SCN9A: variants seen among roughly 807,000 people sequenced by gnomAD.
SCN9A encodes the protein sodium voltage-gated channel alpha subunit 9.
In SCN9A, 131 loss-of-function variants were observed where a neutral mutation model predicts 187.0. The ratio of observed to expected loss-of-function variants is 0.70; its 90% CI spans 0.61 to 0.81. The LOEUF is 0.81. Ranked by LOEUF, SCN9A falls within the 30% of genes least tolerant of loss-of-function variation. SCN9A has a pLI of 0.00. For synonymous variants in SCN9A, 809 were observed against 808.6 expected (o/e 1.00, Z -0.01); for missense variants, 2,252 against 2,396.6 (o/e 0.94, Z 1.26).
At chr2:166,306,252 T>C (rs1290601334) in intron 4 of SCN9A, among the ~76,000 whole-genome samples, 1 of 152,066 alleles carries the variant, frequency 6.6e-6, no homozygotes, top group Non-Finnish European at 1.5e-5. Context: ...CACCCAAGAA[T>C]AAAATATGTG....
intron 24 of SCN9A, among the ~76,000 whole-genome samples, chr2:166,217,758 T>A (rs1694398861): frequency 1.3e-5 from 2 of 152,096 alleles, no homozygotes; most frequent in African/African-American, 4.8e-5. Context: ...TTATACATTG[T>A]TAGTGAAAAT....
intron 17 of SCN9A, among the ~76,000 whole-genome samples, chr2:166,262,959 C>A (rs184525687): frequency 6.6e-4 from 101 of 152,068 alleles, no homozygotes; most frequent in African/African-American, 2.1e-3. Flanking sequence ...TGCTTTCCAG[C>A]AAGCTGCTCA....
chr2:166,372,221 C>T (rs563692075), intron 1 of SCN9A, among the ~76,000 whole-genome samples: 1 of 152,104 alleles, frequency 6.6e-6, no homozygotes, highest in Non-Finnish European at 1.5e-5. Context: ...TGGATAAGCC[C>T]ACATTGCCTC....
intron 22 of SCN9A, 110 bp downstream of exon 22, chr2:166,228,581 A>C: frequency 9.0e-7 from 1 of 1,117,210 alleles, no homozygotes; most frequent in Non-Finnish European, 1.3e-6. Flanking sequence ...TTTAAAAACC[A>C]CACAGTATTT....
intron 1 of SCN9A, among the ~76,000 whole-genome samples, chr2:166,366,142 C>T (rs1051938627): frequency 1.3e-4 from 20 of 152,180 alleles, no homozygotes; most frequent in African/African-American, 4.6e-4. Context: ...CTGACCTACA[C>T]ATTTTGGAGG....
intron 5 of SCN9A, among the ~76,000 whole-genome samples, chr2:166,304,881 G>A (rs1698702805): frequency 6.6e-6 from 1 of 152,062 alleles, no homozygotes; most frequent in East Asian, 1.9e-4. Context: ...GAAAAACACT[G>A]AATTGTATAC....
At position 166,222,949 on chromosome 2, in the gene SCN9A, A is replaced by C. The variant is rs1574748120; in HGVS notation, c.4398+3618T>G. Among the ~76,000 whole-genome samples, 82 of 116,922 alleles carry C rather than the reference A, an allele frequency of 7.0e-4. 1 individual carries two copies. Among genetic ancestry groups the C allele is most frequent in the African/African-American group, 2.1e-3 (64 of 30,090 alleles). The allele number at this position is 116,922 out of a possible 152,430, so 76.7% of individuals were successfully genotyped here. On this transcript the variant is annotated intron_variant, in intron 24 of 26. Coordinates refer to ENST00000642356, the MANE Select transcript of SCN9A (RefSeq NM_001365536.1). ...CCGTCTCAAAAAAAAAAACAACAAA[A>C]AAAAAAAAAAAAAAAAAAAAAAACA...
At chr2:166,289,205 T>C (rs936781078) in intron 9 of SCN9A, among the ~76,000 whole-genome samples, 1 of 151,934 alleles carries the variant, frequency 6.6e-6, no homozygotes, top group African/African-American at 2.4e-5. Context: ...CAGAGATTTT[T>C]TTTTCTTTTT....
At chr2:166,227,797 G>T in intron 22 of SCN9A, 74 bp from the exon 23 acceptor site, 1 of 777,614 alleles carries the variant, frequency 1.3e-6, no homozygotes, top group Non-Finnish European at 2.2e-6. Context: ...AGTTTTGTCT[G>T]TTTAATGTTA....
At chr2:166,287,442 T>C (rs553210885) in intron 10 of SCN9A, among the ~76,000 whole-genome samples, 1 of 152,214 alleles carries the variant, frequency 6.6e-6, no homozygotes, top group African/African-American at 2.4e-5. Flanking sequence ...AGATATACAA[T>C]TTTCATAATT....
intron 1 of SCN9A, among the ~76,000 whole-genome samples, chr2:166,320,906 C>A (rs1169885529): frequency 6.6e-6 from 1 of 152,066 alleles, no homozygotes; most frequent in Non-Finnish European, 1.5e-5. Context: ...ACAAAAAAAT[C>A]ATCTGTGTAA....
chr2:166,241,112 A>G (rs2155878), intron 19 of SCN9A, among the ~76,000 whole-genome samples: 125,717 of 152,076 alleles, frequency 0.83, 52,289 homozygotes, highest in East Asian at 0.94. Context: ...ACAGTATCAG[A>G]TCAACCTATT....
chr2:166,308,551 T>A (rs1559032238), intron 2 of SCN9A, among the ~76,000 whole-genome samples: 2 of 152,158 alleles, frequency 1.3e-5, no homozygotes, highest in South Asian at 2.1e-4. Context: ...TCCCCTGCCA[T>A]TCAGAACAGT....
At chr2:166,238,034 T>A in intron 20 of SCN9A, 60 bp downstream of exon 20, 1 of 1,283,724 alleles carries the variant, frequency 7.8e-7, no homozygotes, top group Non-Finnish European at 1.1e-6. Context: ...GTGGTGAAGG[T>A]TTTTTCACAA....
At chr2:166,209,088 T>G (rs777937382) in intron 24 of SCN9A, among the ~76,000 whole-genome samples, 34 of 152,176 alleles carry the variant, frequency 2.2e-4, no homozygotes, top group Non-Finnish European at 4.0e-4. Flanking sequence ...AAGGGGACGG[T>G]AGATTAGCTG....
At chr2:166,288,927 T>G (rs538641279) in intron 9 of SCN9A, among the ~76,000 whole-genome samples, 3 of 152,256 alleles carry the variant, frequency 2.0e-5, no homozygotes, top group Admixed American at 2.0e-4. Flanking sequence ...AAATTACTCA[T>G]AAAATTAAAT....
chr2:166,309,438 G>A (rs915106972), intron 2 of SCN9A, among the ~76,000 whole-genome samples: 1 of 152,076 alleles, frequency 6.6e-6, no homozygotes. Context: ...AAAATGTTAT[G>A]CTAAACAATT....
intron 24 of SCN9A, chr2:166,205,325 C>A (rs1693745931): frequency 6.6e-6 from 1 of 152,018 alleles, no homozygotes; most frequent in African/African-American, 2.4e-5. Context: ...CATACACCAA[C>A]AGAACAGAAC....
intron 24 of SCN9A, among the ~76,000 whole-genome samples, chr2:166,212,796 A>C (rs555374107): frequency 4.6e-5 from 7 of 152,214 alleles, no homozygotes; most frequent in Admixed American, 6.5e-5. Flanking sequence ...TTTTATGACC[A>C]CAATGGAAGG....
Sources: gnomAD v4.1 joint callset for allele counts (sites outside exome capture counted in the v4.1 genomes callset) on GRCh38, gnomAD v4.1.1 for gene constraint, MANE v1.5 for transcripts, NCBI Gene and HGNC (gene_info 2026-07-23, HGNC 2026-07-21) for gene names.